Variants in WDR76 observed in about 807,000 individuals in gnomAD.
WDR76 encodes WD repeat-containing protein 76.
WDR76 carries 52 observed loss-of-function variants against 70.2 expected under a neutral mutation model. The ratio of observed to expected loss-of-function variants is 0.74; its 90% CI spans 0.59 to 0.93. The LOEUF (loss-of-function observed/expected upper bound fraction) is 0.93, where lower values mean the gene tolerates loss of function less well. Ranked by LOEUF, WDR76 falls within the 40% of genes least tolerant of loss-of-function variation. WDR76 has a pLI of 0.00. For missense variants in WDR76, 756 were observed against 760.2 expected (o/e 0.99, Z 0.07); for synonymous variants, 292 against 271.1 (o/e 1.08, Z -0.76).
chr15:43,851,014 A>T (rs1438867687), intron 8 of WDR76, 73 bp from the exon 9 acceptor site: 5 of 1,562,494 alleles, frequency 3.2e-6, no homozygotes, highest in Non-Finnish European at 4.4e-6. Flanking sequence ...CTTTAATGAC[A>T]TAATAGCATA....
intron 8 of WDR76, among the ~76,000 whole-genome samples, chr15:43,850,570 C>T (rs898710583): frequency 2.0e-5 from 3 of 152,154 alleles, no homozygotes; most frequent in Admixed American, 2.0e-4. Flanking sequence ...GCTAGGATTA[C>T]AGGCGTGAGC....
intron 2 of WDR76, among the ~76,000 whole-genome samples, chr15:43,832,743 G>GTT (rs201304087): frequency 0.34 from 22,896 of 68,026 alleles, 9,474 homozygotes; most frequent in Non-Finnish European, 0.43. Context: ...GGCTTGCTTT[G>GTT]TTTTTTTTTT....
At chr15:43,842,923 G>C (rs766387585) in intron 7 of WDR76, among the ~76,000 whole-genome samples, 2 of 149,954 alleles carry the variant, frequency 1.3e-5, no homozygotes, top group Non-Finnish European at 3.0e-5. Flanking sequence ...CATAATATAT[G>C]TTCAGTGTTG....
intron 5 of WDR76, among the ~76,000 whole-genome samples, chr15:43,840,523 C>A (rs1205373305): frequency 6.6e-6 from 1 of 152,012 alleles, no homozygotes; most frequent in Non-Finnish European, 1.5e-5. Flanking sequence ...ATTTTTTATT[C>A]AAGAACACCT....
rs746724941 is a variant in WDR76, at chr15:43,839,743, AAATAT to A, written c.732+21_732+25del. Reference sequence around the variant, plus strand: ...CAGATGAAACTGTAAGGAAATGTGCAAATATAATATTTTAATGTAATAAAATACTG... The same window carrying A: ...CAGATGAAACTGTAAGGAAATGTGCAAATATTTTAATGTAATAAAATACTG... On this transcript the variant is annotated intron_variant, in intron 5 of 12. Coordinates refer to ENST00000263795, the MANE Select transcript of WDR76 (RefSeq NM_024908.4). 7.6e-5 allele frequency: 120 copies of A among 1,586,638 alleles called. No individual in the cohort carries two copies. The highest frequency in any genetic ancestry group is 9.7e-5 in the Non-Finnish European group (113 of 1,168,828).
intron 7 of WDR76, among the ~76,000 whole-genome samples, chr15:43,842,919 A>G (rs932413145): frequency 3.3e-5 from 5 of 151,318 alleles, no homozygotes; most frequent in African/African-American, 1.2e-4. Flanking sequence ...GGCACATAAT[A>G]TATGTTCAGT....
Position 43,861,384 on chromosome 15 carries a change from CAGGT to C in WDR76, c.1616+2_1616+5del. On this transcript the variant is annotated splice_donor_variant and coding_sequence_variant, in exon 12 of 13. Coordinates refer to ENST00000263795, the MANE Select transcript of WDR76 (RefSeq NM_024908.4). LOFTEE classifies it high-confidence loss of function. ...CTAAGATTCCGCTCCTCACCACCAT[CAGGT>C]AGGCTTCTATATGCCAAATAATGTA... 1.2e-6 allele frequency: 2 copies of C among 1,613,740 alleles called. No individual in the cohort carries two copies. The highest frequency in any genetic ancestry group is 8.5e-7 in the Non-Finnish European group (1 of 1,179,694).
At chr15:43,850,405 C>A (rs1245038623) in intron 8 of WDR76, among the ~76,000 whole-genome samples, 1 of 151,986 alleles carries the variant, frequency 6.6e-6, no homozygotes, top group African/African-American at 2.4e-5. Context: ...ATGCCATTCT[C>A]CTGCCTCAGC....
intron 2 of WDR76, among the ~76,000 whole-genome samples, chr15:43,833,930 C>T (rs1029495605): frequency 1.2e-4 from 18 of 152,086 alleles, no homozygotes; most frequent in Admixed American, 3.9e-4. Flanking sequence ...CCACCACACC[C>T]GGCCTGCCAT....
chr15:43,828,355 A>G lies in WDR76; in HGVS notation c.451A>G (p.Thr151Ala), dbSNP rs1029799607. ...SQDGDSDEDTTPSLDFSGLSP... is the reference protein window; with the variant it reads ...SQDGDSDEDTAPSLDFSGLSP... The stretch of plus-strand genomic sequence containing the variant: ...GGATGGAGACAGTGATGAAGATACC[A>G]CACCATCCCTGGTAAGAACTTAATT... The change falls in exon 2 of 13, where the codon ACA (threonine) becomes GCA (alanine). Residue 151 changes from threonine (T) to alanine (A), a missense_variant. Thr to Ala is a moderately conservative substitution (Grantham distance 58). Transcript: ENST00000263795. The G allele has an allele frequency of 1.2e-6, 2 of 1,603,880 alleles. No individual in the cohort carries two copies. The highest frequency in any genetic ancestry group is 1.7e-6 in the Non-Finnish European group (2 of 1,175,490).
chr15:43,827,985 T>C lies in WDR76; in HGVS notation c.81T>C (p.Asn27=). 6.2e-7 allele frequency: 1 copy of C among 1,604,538 alleles called. No homozygotes were observed. The highest frequency in any genetic ancestry group is 1.3e-5 in the African/African-American group (1 of 74,352). The change falls in exon 2 of 13, where the codon AAT becomes AAC. Residue 27 remains asparagine (N), a synonymous_variant. Transcript: ENST00000263795. ...AATAGGTAAATGAATATAAAGAAAA[T>C]CAAAACATCGCTTATGTGTCTCTGA... ...PQMKVNEYKE[N]QNIAYVSLRP...
chr15:43,855,931 T>C (rs1247441323), intron 9 of WDR76, among the ~76,000 whole-genome samples: 3 of 152,188 alleles, frequency 2.0e-5, no homozygotes, highest in Non-Finnish European at 4.4e-5. Context: ...TCATTCCCAT[T>C]ATCACAAGTA....
rs2087540577 is a variant in WDR76, at chr15:43,828,158, A to C, written c.254A>C (p.Lys85Thr). 3.1e-6 allele frequency: 5 copies of C among 1,613,970 alleles called. No homozygotes were observed. Among genetic ancestry groups the C allele is most frequent in the Non-Finnish European group, 3.4e-6 (4 of 1,180,020 alleles). Reference protein sequence around the residue: ...SNNEVACKKTKIKKTCRRIIP... With the variant: ...SNNEVACKKTTIKKTCRRIIP... Reference sequence around the variant, plus strand: ...AATGAAGTGGCGTGTAAGAAGACTAAAATAAAGAAAACTTGCAGAAGGATT... The same window carrying C: ...AATGAAGTGGCGTGTAAGAAGACTACAATAAAGAAAACTTGCAGAAGGATT... The change falls in exon 2 of 13, where the codon AAA becomes ACA. Residue 85 changes from lysine to threonine, a missense_variant. By Grantham distance (78) the Lys-to-Thr change is moderately conservative. Transcript: ENST00000263795.
intron 2 of WDR76, among the ~76,000 whole-genome samples, chr15:43,830,168 A>T (rs1596064668): frequency 1.3e-5 from 2 of 151,906 alleles, no homozygotes; most frequent in Admixed American, 1.3e-4. Context: ...CACCCAGCCC[A>T]ATTTGCATAT....
rs576308040 is a variant in WDR76, at chr15:43,837,552, T to A, written c.608+1336T>A. 2.0e-5 allele frequency among the ~76,000 whole-genome samples: 3 copies of A among 152,286 alleles called. No homozygotes were observed. In the South Asian group the frequency reaches 6.2e-4, roughly 32 times the overall value. On this transcript the variant is annotated intron_variant, in intron 4 of 12. Transcript: ENST00000263795. ...AGCGCAGAAGTGTAGCCTTTGAGATTTAGCAAATTTGGGTTCAAGTTTTGA... is the reference window on the plus strand; with the variant it reads ...AGCGCAGAAGTGTAGCCTTTGAGATATAGCAAATTTGGGTTCAAGTTTTGA...
At chr15:43,850,272 ATTTT>A (rs1567188848) in intron 8 of WDR76, among the ~76,000 whole-genome samples, 4 of 112,526 alleles carry the variant, frequency 3.6e-5, no homozygotes, top group Non-Finnish European at 8.6e-5. Flanking sequence ...TTATTTTTTT[ATTTT>A]ATTTTATTTT....
chr15:43,852,766 A>G lies in WDR76; in HGVS notation c.1191+1521A>G, dbSNP rs189306006. ...AACAAAATGTATTCAAAGTTCATCCATGTTGTAGCCGTGTATCAGTACTTC... is the reference window on the plus strand; with the variant it reads ...AACAAAATGTATTCAAAGTTCATCCGTGTTGTAGCCGTGTATCAGTACTTC... On this transcript the variant is annotated intron_variant, in intron 9 of 12. Transcript: ENST00000263795. Among the ~76,000 whole-genome samples, 367 of 152,300 alleles carry G rather than the reference A, an allele frequency of 2.4e-3. 2 individuals carry two copies. Among genetic ancestry groups the G allele is most frequent in the South Asian group, 2.5e-3 (12 of 4,824 alleles).
At chr15:43,834,071 A>G (rs915610218) in intron 2 of WDR76, among the ~76,000 whole-genome samples, 1 of 152,030 alleles carries the variant, frequency 6.6e-6, no homozygotes, top group African/African-American at 2.4e-5. Flanking sequence ...TTTTTGTTCT[A>G]CTTTCTAAAT....
At chr15:43,841,053 C>T (rs1211654819) in intron 5 of WDR76, among the ~76,000 whole-genome samples, 1 of 151,464 alleles carries the variant, frequency 6.6e-6, no homozygotes, top group Non-Finnish European at 1.5e-5. Context: ...CAGAGTCTCC[C>T]TCTGTCACCC....
Sources: gnomAD v4.1 joint callset for allele counts (sites outside exome capture counted in the v4.1 genomes callset) on GRCh38, gnomAD v4.1.1 for gene constraint, MANE v1.5 for transcripts, NCBI Gene and HGNC (gene_info 2026-07-23, HGNC 2026-07-21) for gene names.